Variants in PRKAR2A observed in about 807,000 individuals in gnomAD.
PRKAR2A encodes the protein protein kinase cAMP-dependent type II regulatory subunit alpha, also known as cAMP-dependent protein kinase type II-alpha regulatory subunit.
A neutral mutation model predicts 51.9 loss-of-function variants in PRKAR2A; 29 were observed. The observed-to-expected ratio is 0.56, with a 90% CI of 0.42 to 0.76. The LOEUF (loss-of-function observed/expected upper bound fraction) is 0.76, where lower values mean the gene tolerates loss of function less well. PRKAR2A is among the 30% of genes least tolerant of loss of function. The probability of loss-of-function intolerance (pLI) is 0.00; values close to 1 mark genes in which losing one functional copy is unlikely to be tolerated. For missense variants in PRKAR2A, 445 were observed against 512.1 expected, an observed-to-expected ratio of 0.87 and a Z score of 1.26; for synonymous variants, 178 against 186.2, an observed-to-expected ratio of 0.96 and a Z score of 0.36.
Position 48,766,570 on chromosome 3 carries a change from A to G in PRKAR2A, c.697-1221T>C, listed in dbSNP as rs1333421451. Among the ~76,000 whole-genome samples, 5 of 152,170 alleles carry G rather than the reference A, an allele frequency of 3.3e-5. No homozygotes were observed. The East Asian group carries it at 9.6e-4, about 29-fold the overall frequency. ...GACATAAGTTGAAACTGTGTCTCAA[A>G]AAAAAATAAAATAAAAATAAAAAGT... On this transcript the variant is annotated intron_variant, in intron 6 of 10. Coordinates refer to ENST00000265563, the MANE Select transcript of PRKAR2A (RefSeq NM_004157.4).
intron 1 of PRKAR2A, among the ~76,000 whole-genome samples, chr3:48,831,401 C>T (rs1370507856): frequency 1.6e-5 from 2 of 127,934 alleles, no homozygotes; most frequent in Admixed American, 1.8e-4. Context: ...CAGAGTCTTG[C>T]TCTTATCCAG....
chr3:48,827,790 C>T (rs976837951), intron 1 of PRKAR2A, among the ~76,000 whole-genome samples: 1 of 152,148 alleles, frequency 6.6e-6, no homozygotes, highest in Non-Finnish European at 1.5e-5. Flanking sequence ...CCTTAGGCTA[C>T]ACAATCTATA....
At position 48,847,434 on chromosome 3, in the gene PRKAR2A, G is replaced by T; in HGVS notation, c.163C>A (p.Pro55Thr). ...GGGGGGTGGCCCAGGCTCTGGCGTGGGGTGGCGGCGGGCAGGACTGAGGCT... is the reference window on the plus strand; with the variant it reads ...GGGGGGTGGCCCAGGCTCTGGCGTGTGGTGGCGGCGGGCAGGACTGAGGCT... ...APASVLPAAT[P>T]RQSLGHPPPE... is the part of the protein sequence containing the mutation. The change falls in exon 1 of 11, where the codon CCA becomes ACA. Residue 55 changes from proline (P) to threonine (T), a missense_variant. By Grantham distance (38) the Pro-to-Thr change is conservative (BLOSUM62 -1). Transcript: ENST00000265563. The surrounding 1 kb of genome is among the most constrained non-coding windows in gnomAD (Gnocchi z 4.4). 6.3e-7 allele frequency: 1 copy of T among 1,582,786 alleles called. No homozygotes were observed. The highest frequency in any genetic ancestry group is 1.8e-5 in the Admixed American group (1 of 55,260).
chr3:48,771,321 A>T (rs1399125115), intron 6 of PRKAR2A, among the ~76,000 whole-genome samples: 1 of 152,142 alleles, frequency 6.6e-6, no homozygotes, highest in East Asian at 1.9e-4. Context: ...CAGCCTGAGC[A>T]ACATAGTGAG....
chr3:48,817,392 C>T (rs2082891156), intron 1 of PRKAR2A, among the ~76,000 whole-genome samples: 1 of 151,774 alleles, frequency 6.6e-6, no homozygotes, highest in South Asian at 2.1e-4. Context: ...TGGCTCACGC[C>T]TGTAATCCCA....
chr3:48,799,315 G>T (rs909542950), intron 2 of PRKAR2A, among the ~76,000 whole-genome samples: 2 of 152,170 alleles, frequency 1.3e-5, no homozygotes, highest in Non-Finnish European at 2.9e-5. Context: ...TACTTTGGGA[G>T]GCCTAGATGG....
chr3:48,770,607 G>T (rs886852691), intron 6 of PRKAR2A, among the ~76,000 whole-genome samples: 9 of 152,120 alleles, frequency 5.9e-5, no homozygotes, highest in African/African-American at 2.2e-4. Flanking sequence ...CAGGAGAAAA[G>T]TAGAGGCCAA....
intron 1 of PRKAR2A, among the ~76,000 whole-genome samples, chr3:48,815,671 T>G: frequency 7.1e-6 from 1 of 141,420 alleles, no homozygotes; most frequent in African/African-American, 2.7e-5. Context: ...CCAGCCTGGG[T>G]GACAGAGCAA....
intron 1 of PRKAR2A, among the ~76,000 whole-genome samples, chr3:48,840,218 G>A (rs2083354281): frequency 6.6e-6 from 1 of 152,104 alleles, no homozygotes; most frequent in Non-Finnish European, 1.5e-5. Context: ...GGTCAGGTAT[G>A]GTGGCTCATG....
intron 1 of PRKAR2A, among the ~76,000 whole-genome samples, chr3:48,823,620 A>G (rs1310877653): frequency 6.6e-6 from 1 of 151,618 alleles, no homozygotes; most frequent in Non-Finnish European, 1.5e-5. Context: ...CATCTCTACA[A>G]AAAAATTTTT....
At chr3:48,766,681 A>G (rs753607095) in intron 6 of PRKAR2A, among the ~76,000 whole-genome samples, 12 of 152,238 alleles carry the variant, frequency 7.9e-5, no homozygotes, top group Non-Finnish European at 1.6e-4. Flanking sequence ...CAAGGTAAGA[A>G]GGGGAGATCA....
intron 5 of PRKAR2A, among the ~76,000 whole-genome samples, chr3:48,780,525 C>A (rs2082176850): frequency 6.6e-6 from 1 of 150,934 alleles, no homozygotes. Context: ...ATGGTGTGAA[C>A]CTGGGAGGCG....
intron 8 of PRKAR2A, among the ~76,000 whole-genome samples, chr3:48,760,537 G>A (rs1269419814): frequency 2.0e-5 from 3 of 151,620 alleles, no homozygotes; most frequent in Non-Finnish European, 4.4e-5. Flanking sequence ...TTAGCTGGGT[G>A]TAGGCCGGGC....
chr3:48,821,004 A>G (rs957840268), intron 1 of PRKAR2A, among the ~76,000 whole-genome samples: 4 of 152,186 alleles, frequency 2.6e-5, no homozygotes, highest in Admixed American at 6.5e-5. Context: ...TGTCAGGGGC[A>G]ATGCCATGAC....
intron 5 of PRKAR2A, among the ~76,000 whole-genome samples, chr3:48,778,910 C>G (rs1464183080): frequency 1.3e-5 from 2 of 150,484 alleles, no homozygotes; most frequent in Non-Finnish European, 3.0e-5. Flanking sequence ...ACTGCAACCT[C>G]CACCTCCCAG....
intron 8 of PRKAR2A, among the ~76,000 whole-genome samples, chr3:48,761,889 C>T (rs914818371): frequency 6.6e-6 from 1 of 152,174 alleles, no homozygotes; most frequent in Admixed American, 6.5e-5. Context: ...TCCCAGAGTG[C>T]TGGGATTACA....
At chr3:48,775,671 T>C (rs892973847) in intron 5 of PRKAR2A, among the ~76,000 whole-genome samples, 1 of 151,964 alleles carries the variant, frequency 6.6e-6, no homozygotes, top group Non-Finnish European at 1.5e-5. Flanking sequence ...CCAAGAGAGA[T>C]AATCAAAGAT....
At chr3:48,782,102 T>A (rs2082206614) in intron 5 of PRKAR2A, among the ~76,000 whole-genome samples, 1 of 152,222 alleles carries the variant, frequency 6.6e-6, no homozygotes, top group Non-Finnish European at 1.5e-5. Context: ...TTATTGGTGT[T>A]AAACTCTAGT....
intron 1 of PRKAR2A, among the ~76,000 whole-genome samples, chr3:48,826,723 T>C (rs2083074547): frequency 6.6e-6 from 1 of 152,018 alleles, no homozygotes; most frequent in South Asian, 2.1e-4. Context: ...AAAAGGCTCA[T>C]GAATAACAAA....
Sources: allele counts gnomAD v4.1 joint callset (sites outside exome capture counted in the v4.1 genomes callset), GRCh38; gene constraint gnomAD v4.1.1; non-coding constraint Gnocchi (gnomAD v3.1); transcripts MANE v1.5; gene names NCBI Gene and HGNC (gene_info 2026-07-23, HGNC 2026-07-21).